Variants in KLF12 observed in about 807,000 individuals in gnomAD.
KLF12 encodes the protein KLF transcription factor 12.
Under a neutral mutation model 37.8 loss-of-function variants are expected in KLF12, and 9 were observed. The observed-to-expected ratio is 0.24, with a 90% CI of 0.14 to 0.42. The LOEUF is 0.42. Among genes scored for constraint, KLF12 ranks in the 10% least tolerant of loss-of-function variants. The pLI, the probability that KLF12 is intolerant of heterozygous loss-of-function variation, is 1.00. For synonymous variants in KLF12, 208 were observed against 202.1 expected (o/e 1.03, Z -0.25); for missense variants, 411 against 516.0 (o/e 0.80, Z 1.97).
chr13:74,126,701 T>C (rs1845845721), intron 1 of KLF12, among the ~76,000 whole-genome samples: 1 of 152,202 alleles, frequency 6.6e-6, no homozygotes, highest in Admixed American at 6.5e-5. Context: ...CACAGTTCTG[T>C]AGCAGGTGGG....
intron 3 of KLF12, among the ~76,000 whole-genome samples, chr13:73,920,272 C>T (rs904607863): frequency 1.4e-4 from 21 of 152,030 alleles, no homozygotes; most frequent in Admixed American, 1.3e-3. Context: ...CATAAACATA[C>T]ACATATGTAT....
rs1311220888 is a variant in KLF12, at chr13:73,693,761, G to T, written c.*1729C>A. The stretch of plus-strand genomic sequence containing the variant: ...ATATATTGCAAAGGTCTTTGTTGGA[G>T]ACCTTTTATATCTAAGCTATAAAAA... On this transcript the variant is annotated 3_prime_UTR_variant, in exon 8 of 8. Coordinates refer to ENST00000377669, the MANE Select transcript of KLF12 (RefSeq NM_007249.5). 6.6e-6 allele frequency: 1 copy of T among 152,530 alleles called. No individual in the cohort carries two copies. The highest frequency in any genetic ancestry group is 2.4e-5 in the African/African-American group (1 of 41,418). The allele number at this position is 152,530 out of a possible 1,614,324, so 9.4% of individuals were successfully genotyped here. A position where few individuals can be genotyped will look rare whatever the true frequency, so the allele number is the denominator to read the frequency against.
intron 2 of KLF12, among the ~76,000 whole-genome samples, chr13:73,987,262 C>G (rs1318112903): frequency 2.0e-5 from 3 of 152,058 alleles, no homozygotes; most frequent in African/African-American, 7.2e-5. Flanking sequence ...CACCTAACAT[C>G]AGCTTAAGAG....
At chr13:73,921,515 C>CT (rs1889115718) in intron 3 of KLF12, among the ~76,000 whole-genome samples, 1 of 152,100 alleles carries the variant, frequency 6.6e-6, no homozygotes, top group African/African-American at 2.4e-5. Flanking sequence ...TACTCCTAAG[C>CT]TTTGAGTTCA....
At chr13:73,989,704 G>A (rs1433126032) in intron 2 of KLF12, among the ~76,000 whole-genome samples, 1 of 152,100 alleles carries the variant, frequency 6.6e-6, no homozygotes, top group Non-Finnish European at 1.5e-5. Context: ...CTGTGCTCTG[G>A]CAAACACTAG....
Position 73,693,780 on chromosome 13 carries a change from A to T in KLF12, c.*1710T>A, listed in dbSNP as rs1309818410. Reference sequence around the variant, plus strand: ...GTTGGAGACCTTTTATATCTAAGCTATAAAAAATTCTAGCAACAACAACAA... The same window carrying T: ...GTTGGAGACCTTTTATATCTAAGCTTTAAAAAATTCTAGCAACAACAACAA... On this transcript the variant is annotated 3_prime_UTR_variant, in exon 8 of 8. Coordinates refer to ENST00000377669, the MANE Select transcript of KLF12 (RefSeq NM_007249.5). 6.6e-6 allele frequency: 1 copy of T among 152,660 alleles called. No individual in the cohort carries two copies. Among genetic ancestry groups the T allele is most frequent in the Non-Finnish European group, 1.5e-5 (1 of 68,038 alleles). The allele number at this position is 152,660 out of a possible 1,614,324, so 9.5% of individuals were successfully genotyped here.
At chr13:73,984,091 C>T (rs1418367198) in intron 2 of KLF12, among the ~76,000 whole-genome samples, 1 of 152,118 alleles carries the variant, frequency 6.6e-6, no homozygotes, top group African/African-American at 2.4e-5. Flanking sequence ...CTATAAGATC[C>T]TCGGGTGGGG....
At chr13:73,933,715 T>C (rs2139301484) in intron 3 of KLF12, among the ~76,000 whole-genome samples, 1 of 152,302 alleles carries the variant, frequency 6.6e-6, no homozygotes, top group South Asian at 2.1e-4. Flanking sequence ...CACTGCCCCT[T>C]TGAACTATAC....
intron 6 of KLF12, among the ~76,000 whole-genome samples, chr13:73,724,284 C>G (rs890210265): frequency 6.6e-6 from 1 of 152,166 alleles, no homozygotes. Context: ...CAAACTAACA[C>G]AGGAACAGAA....
intron 3 of KLF12, among the ~76,000 whole-genome samples, chr13:73,853,291 G>C (rs1291288596): frequency 6.6e-6 from 1 of 151,986 alleles, no homozygotes; most frequent in African/African-American, 2.4e-5. Context: ...CTATTTACCA[G>C]GACTTTCATA....
chr13:73,847,200 G>T (rs1197949514), intron 3 of KLF12, among the ~76,000 whole-genome samples: 1 of 152,022 alleles, frequency 6.6e-6, no homozygotes, highest in African/African-American at 2.4e-5. Flanking sequence ...ATGTCTGCTT[G>T]CAAGTCCCCA....
At chr13:74,023,392 G>C (rs1029439192) in intron 1 of KLF12, among the ~76,000 whole-genome samples, 4 of 152,176 alleles carry the variant, frequency 2.6e-5, no homozygotes, top group African/African-American at 9.7e-5. Context: ...GCTGCAGTAA[G>C]GAAGTAGCAC....
At chr13:73,767,901 A>T (rs573665212) in intron 5 of KLF12, among the ~76,000 whole-genome samples, 2 of 152,292 alleles carry the variant, frequency 1.3e-5, no homozygotes, top group South Asian at 4.1e-4. Flanking sequence ...AACCTACCTG[A>T]GTGGCACCCC....
chr13:74,096,479 C>T (rs1358420447), intron 1 of KLF12, among the ~76,000 whole-genome samples: 1 of 152,190 alleles, frequency 6.6e-6, no homozygotes, highest in Non-Finnish European at 1.5e-5. Flanking sequence ...ATCTACTATG[C>T]AAGATGTACA....
chr13:73,766,023 A>G (rs1210329085), intron 5 of KLF12, among the ~76,000 whole-genome samples: 2 of 152,206 alleles, frequency 1.3e-5, no homozygotes, highest in Non-Finnish European at 2.9e-5. Context: ...CTAAGGGCCA[A>G]CTGCAGTCTT....
At chr13:74,046,407 C>T (rs928975630) in intron 1 of KLF12, among the ~76,000 whole-genome samples, 1 of 131,362 alleles carries the variant, frequency 7.6e-6, no homozygotes, top group African/African-American at 2.5e-5. Flanking sequence ...TGTTAAAAGG[C>T]TACACCACTT....
At position 74,073,861 on chromosome 13, in the gene KLF12, G is replaced by A. The variant is rs75217842; in HGVS notation, c.-32+59878C>T. ...ATGCTATGTCTCTAGTTATCATTAT[G>A]CATGGTCGCATACATAAATTTAATA... On this transcript the variant is annotated intron_variant, in intron 1 of 7. Transcript: ENST00000377669. Among the ~76,000 whole-genome samples, 939 of 152,278 alleles carry A rather than the reference G, an allele frequency of 6.2e-3. 15 individuals carry two copies. Among genetic ancestry groups the A allele is most frequent in the African/African-American group, 0.021 (876 of 41,562 alleles).
chr13:73,702,046 G>T (rs546800789), intron 7 of KLF12, among the ~76,000 whole-genome samples: 3 of 152,210 alleles, frequency 2.0e-5, no homozygotes, highest in African/African-American at 4.8e-5. Context: ...GGTGGGGGAG[G>T]TGTGGTTGTT....
chr13:74,005,175 A>G (rs1277740036), intron 1 of KLF12, among the ~76,000 whole-genome samples: 1 of 152,198 alleles, frequency 6.6e-6, no homozygotes, highest in East Asian at 1.9e-4. Flanking sequence ...AGGTACTGCT[A>G]TGAACATAAT....
Sources: allele counts gnomAD v4.1 joint callset (sites outside exome capture counted in the v4.1 genomes callset), GRCh38; gene constraint gnomAD v4.1.1; transcripts MANE v1.5; gene names NCBI Gene and HGNC (gene_info 2026-07-23, HGNC 2026-07-21).